The following ZNF493 variants were observed in gnomAD, a reference collection of about 807,000 sequenced individuals.
ZNF493 encodes the protein zinc finger protein 493.
Under a neutral mutation model 12.2 loss-of-function variants are expected in ZNF493, and 11 were observed. The observed-to-expected ratio is 0.90, with a 90% confidence interval of 0.57 to 1.50. ZNF493 has a LOEUF of 1.50. Among genes scored for constraint, ZNF493 ranks in the 40% most tolerant of loss-of-function variants. ZNF493 has a pLI of 0.00. For synonymous variants in ZNF493, 286 were observed against 302.6 expected (o/e 0.95, Z 0.57); for missense variants, 950 against 906.6 (o/e 1.05, Z -0.61).
intron 3 of ZNF493, chr19:21,414,299 A>G (rs1309665254): frequency 1.3e-5 from 2 of 152,374 alleles, no homozygotes; most frequent in East Asian, 1.9e-4. Flanking sequence ...CCCCTCCTGT[A>G]AAAGATGAGG....
intron 3 of ZNF493, 86 bp downstream of exon 3, chr19:21,405,942 C>A (rs570749524): frequency 9.8e-7 from 1 of 1,021,764 alleles, no homozygotes; most frequent in Non-Finnish European, 1.4e-6. Context: ...CAGTCCTGGC[C>A]GGGAGCAATG....
Position 21,415,904 on chromosome 19 carries a change from T to C in ZNF493, c.254-7009T>C, listed in dbSNP as rs568666807. Among the ~76,000 whole-genome samples, 10 of 146,894 alleles carry C rather than the reference T, an allele frequency of 6.8e-5. No homozygotes were observed. In the South Asian group the frequency reaches 1.7e-3, roughly 26 times the overall value. Reference sequence around the variant, plus strand: ...TTATAGCAGGAGAAGGCAATCCTGGTTGTAATGCTCCCATAGGTTGTATAA... The same window carrying C: ...TTATAGCAGGAGAAGGCAATCCTGGCTGTAATGCTCCCATAGGTTGTATAA... On this transcript the variant is annotated intron_variant, in intron 3 of 3. Transcript: ENST00000392288.
chr19:21,422,391 T>C (rs1364456280), intron 3 of ZNF493, among the ~76,000 whole-genome samples: 3 of 151,138 alleles, frequency 2.0e-5, no homozygotes, highest in Admixed American at 6.6e-5. Flanking sequence ...CTTTTTTTTT[T>C]TTTAACAAAA....
chr19:21,408,403 A>G (rs901864981), intron 3 of ZNF493: 4 of 981,372 alleles, frequency 4.1e-6, no homozygotes, highest in Admixed American at 6.2e-5. Context: ...TGCTGGGATT[A>G]CAGACGTGAG....
At chr19:21,397,625 GT>G in intron 1 of ZNF493, 1 of 499,274 alleles carries the variant, frequency 2.0e-6, no homozygotes. Flanking sequence ...AAGAGCTTTG[GT>G]CCGTGGGGTT....
Position 21,423,511 on chromosome 19 carries a change from G to C in ZNF493, c.852G>C (p.Lys284Asn). The C allele has an allele frequency of 6.2e-7, 1 of 1,613,616 alleles. No homozygotes were observed. The highest frequency in any genetic ancestry group is 8.5e-7 in the Non-Finnish European group (1 of 1,179,828). The change falls in exon 4 of 4, where the codon AAG becomes AAC. Residue 284 changes from lysine (K) to asparagine (N), a missense_variant. Physicochemically the swap from Lys to Asn is moderately conservative, Grantham distance 94. Transcript: ENST00000392288. ...FYQFSYLTRH[K>N]LIHTREKPYK... ...AATTCTCATACCTTACTAGGCATAA[G>C]CTAATTCATACTAGAGAGAAACCCT...
At chr19:21,408,376 C>T (rs770647072) in intron 3 of ZNF493, 222 of 933,996 alleles carry the variant, frequency 2.4e-4, no homozygotes, top group Admixed American at 4.4e-4. Flanking sequence ...GTGATCCACC[C>T]GCCTTGGCCT....
chr19:21,405,864 A>G lies in ZNF493; in HGVS notation c.253+8A>G, dbSNP rs372257836. 4 of 1,138,840 alleles carry G rather than the reference A, an allele frequency of 3.5e-6. No homozygotes were observed. The highest frequency in any genetic ancestry group is 4.9e-6 in the Non-Finnish European group (4 of 817,398). 70.5% of individuals were successfully genotyped at this position (1,138,840 alleles called of 1,614,324 possible). The stretch of plus-strand genomic sequence containing the variant: ...CGGTAGTCAAACCCCCAGGTAGGTG[A>G]GAGTGAATGAAACAGTTGACATAGA... On this transcript the variant is annotated splice_region_variant and intron_variant, in intron 3 of 3. Transcript: ENST00000392288.
chr19:21,405,168 C>T lies in ZNF493; in HGVS notation c.70C>T (p.Leu24=), dbSNP rs751162036. Reference sequence around the variant, plus strand: ...TAGGGATGTGGCCATAGAATTCTCTCTGGAGGAGTGGCAATGCCTGGACAC... The same window carrying T: ...TAGGGATGTGGCCATAGAATTCTCTTTGGAGGAGTGGCAATGCCTGGACAC... ...TFRDVAIEFS[L]EEWQCLDTAQ... is the part of the protein sequence containing the mutation. The change falls in exon 2 of 4, where the codon CTG becomes TTG. Residue 24 remains leucine (L), a synonymous_variant. Transcript: ENST00000392288. 2 of 1,613,942 alleles carry T rather than the reference C, an allele frequency of 1.2e-6. No homozygotes were observed. Among genetic ancestry groups the T allele is most frequent in the Non-Finnish European group, 1.7e-6 (2 of 1,179,978 alleles).
chr19:21,406,802 C>A (rs1426240787), intron 3 of ZNF493, among the ~76,000 whole-genome samples: 1 of 150,702 alleles, frequency 6.6e-6, no homozygotes, highest in Non-Finnish European at 1.5e-5. Context: ...ATTTTAAAAT[C>A]GTAGTTTTCA....
intron 3 of ZNF493, among the ~76,000 whole-genome samples, chr19:21,408,971 T>C (rs936662521): frequency 1.1e-4 from 16 of 148,916 alleles, no homozygotes; most frequent in Non-Finnish European, 1.8e-4. Flanking sequence ...TGCAACCTCC[T>C]CCTCCCGGGT....
At chr19:21,401,730 A>G (rs1309720221) in intron 1 of ZNF493, among the ~76,000 whole-genome samples, 3 of 151,336 alleles carry the variant, frequency 2.0e-5, no homozygotes, top group African/African-American at 7.3e-5. Flanking sequence ...AGTTTAAGCA[A>G]TGCTCTGCTT....
rs547400916 is a variant in ZNF493 at position 21,425,251 on chromosome 19, A to AT, written c.*268dup. The AT allele has an allele frequency of 4.1e-4, 211 of 512,872 alleles. No individual in the cohort carries two copies. Among genetic ancestry groups the AT allele is most frequent in the African/African-American group, 3.8e-3 (197 of 51,628 alleles). The allele number at this position is 512,872 out of a possible 1,614,324, so 31.8% of individuals were successfully genotyped here. ...TCCCTTACTAAACATAAGAGAATTCATACCATAGAGAAATCCTACAAATAT... is the reference window on the plus strand; with the variant it reads ...TCCCTTACTAAACATAAGAGAATTCATTACCATAGAGAAATCCTACAAATAT... On this transcript the variant is annotated 3_prime_UTR_variant, in exon 4 of 4. Coordinates refer to ENST00000392288, the MANE Select transcript of ZNF493 (RefSeq NM_001076678.3).
intron 3 of ZNF493, among the ~76,000 whole-genome samples, chr19:21,418,691 C>A (rs1490377715): frequency 6.6e-6 from 1 of 152,206 alleles, no homozygotes; most frequent in African/African-American, 2.4e-5. Context: ...TTATTAACAG[C>A]AAGCCAGTCA....
chr19:21,400,344 A>G (rs923078557), intron 1 of ZNF493, among the ~76,000 whole-genome samples: 2 of 152,122 alleles, frequency 1.3e-5, no homozygotes, highest in African/African-American at 4.8e-5. Flanking sequence ...TAAGAGGTTG[A>G]GGTTGTAGTG....
At chr19:21,400,111 T>C (rs929216106) in intron 1 of ZNF493, among the ~76,000 whole-genome samples, 1 of 152,174 alleles carries the variant, frequency 6.6e-6, no homozygotes, top group African/African-American at 2.4e-5. Context: ...CTTATTAAGG[T>C]ATACAATATA....
chr19:21,416,617 C>T (rs1038375234), intron 3 of ZNF493, among the ~76,000 whole-genome samples: 12 of 152,250 alleles, frequency 7.9e-5, no homozygotes, highest in African/African-American at 2.4e-4. Flanking sequence ...ACAGGTAGGA[C>T]GTTTACTAGT....
intron 3 of ZNF493, chr19:21,413,634 C>A (rs1009468522): frequency 7.2e-6 from 3 of 416,580 alleles, no homozygotes; most frequent in Non-Finnish European, 1.2e-5. Flanking sequence ...GCATCTGGCT[C>A]ATGATAAAGT....
intron 3 of ZNF493, among the ~76,000 whole-genome samples, chr19:21,418,847 GT>G (rs2030571168): frequency 6.6e-6 from 1 of 152,170 alleles, no homozygotes; most frequent in African/African-American, 2.4e-5. Flanking sequence ...CCTTTATGCA[GT>G]TTTCCTTCCT....
Sources: allele counts gnomAD v4.1 joint callset (sites outside exome capture counted in the v4.1 genomes callset), GRCh38; gene constraint gnomAD v4.1.1; transcripts MANE v1.5; gene names NCBI Gene and HGNC (gene_info 2026-07-23, HGNC 2026-07-21).